The following PNPLA3 variants were observed in gnomAD, a reference collection of about 807,000 sequenced individuals.
The protein encoded by PNPLA3 is 1-acylglycerol-3-phosphate O-acyltransferase PNPLA3.
Under a neutral mutation model 43.1 loss-of-function variants are expected in PNPLA3, and 42 were observed. The ratio of observed to expected loss-of-function variants is 0.97; its 90% CI spans 0.76 to 1.26. The LOEUF (loss-of-function observed/expected upper bound fraction) is 1.26. Among genes scored for constraint, PNPLA3 ranks in the 50% most tolerant of loss-of-function variants. The pLI, the probability that PNPLA3 is intolerant of heterozygous loss-of-function variation, is 0.00. For missense variants in PNPLA3, 647 were observed against 621.4 expected (o/e 1.04, Z -0.44); for synonymous variants, 272 against 253.6 (o/e 1.07, Z -0.69).
In PNPLA3 at chr22:43,946,190, A is replaced by T. The variant is rs763844316; in HGVS notation, c.1254A>T (p.Pro418=). 6.2e-7 allele frequency: 1 copy of T among 1,614,092 alleles called. No individual in the cohort carries two copies. The highest frequency in any genetic ancestry group is 1.7e-5 in the Admixed American group (1 of 60,010). ...QMPVSSQQAS[P]CTPEQDWPCW... is the part of the protein sequence containing the mutation. ...CAGTGAGCAGCCAACAGGCCTCCCC[A>T]TGCACACCTGAGCAGGACTGGCCCT... The change falls in exon 9 of 9, where the codon CCA becomes CCT. Residue 418 remains proline (P), a synonymous_variant. Coordinates refer to ENST00000216180, the MANE Select transcript of PNPLA3 (RefSeq NM_025225.3).
At chr22:43,927,229 T>A in intron 2 of PNPLA3, 62 bp downstream of exon 2, 1 of 1,489,324 alleles carries the variant, frequency 6.7e-7, no homozygotes, top group Non-Finnish European at 9.3e-7. Flanking sequence ...ATGGGTGTGG[T>A]GGCTCATGCC....
intron 6 of PNPLA3, among the ~76,000 whole-genome samples, chr22:43,937,796 C>T (rs1391574094): frequency 1.3e-5 from 2 of 152,184 alleles, no homozygotes; most frequent in African/African-American, 4.8e-5. Context: ...TTTTGAACCT[C>T]CATCGAATGG....
intron 7 of PNPLA3, 53 bp downstream of exon 7, chr22:43,940,178 A>G (rs574351066): frequency 6.4e-7 from 1 of 1,561,950 alleles, no homozygotes; most frequent in Non-Finnish European, 8.8e-7. Flanking sequence ...TATGAGGATG[A>G]AACAAGATGA....
chr22:43,939,488 C>T, intron 6 of PNPLA3: 1 of 884,140 alleles, frequency 1.1e-6, no homozygotes, highest in African/African-American at 1.8e-5. Context: ...GGCTGTGCTC[C>T]CCGCTTCAGC....
At position 43,928,870 on chromosome 22, in the gene PNPLA3, C is replaced by T. The variant is rs907144952; in HGVS notation, c.467C>T (p.Pro156Leu). The change falls in exon 3 of 9, where the codon CCT becomes CTT. Residue 156 changes from proline to leucine, a missense_variant. Physicochemically the swap from Pro to Leu is moderately conservative, Grantham distance 98 (BLOSUM62 -3). Coordinates refer to ENST00000216180, the MANE Select transcript of PNPLA3 (RefSeq NM_025225.3). ...ATCCCCTTCTACAGTGGCCTTATCC[C>T]TCCTTCCTTCAGAGGCGTGGTAAGT... ...CFIPFYSGLI[P>L]PSFRGVRYVD... The T allele has an allele frequency of 2.5e-6, 4 of 1,612,194 alleles. No homozygotes were observed. In the African/African-American group the frequency reaches 4.0e-5, roughly 16 times the overall value.
Position 43,923,985 on chromosome 22 carries a change from C to A in PNPLA3, c.74C>A (p.Ala25Glu), listed in dbSNP as rs566092201. The part of the protein sequence containing the change: ...CGFLGFYHVG[A>E]TRCLSEHAPH... ...TTCCTGGGCTTCTACCACGTCGGGG[C>A]GACCCGCTGCCTGAGCGAGCACGCC... The change falls in exon 1 of 9, where the codon GCG (alanine) becomes GAG (glutamate). Residue 25 changes from alanine to glutamate, a missense_variant. Coordinates refer to ENST00000216180, the MANE Select transcript of PNPLA3 (RefSeq NM_025225.3). 6.9e-6 allele frequency: 11 copies of A among 1,584,858 alleles called. No homozygotes were observed. In the East Asian group the frequency reaches 1.6e-4, roughly 24 times the overall value.
At chr22:43,927,667 G>T in intron 2 of PNPLA3, among the ~76,000 whole-genome samples, 1 of 148,568 alleles carries the variant, frequency 6.7e-6, no homozygotes, top group Admixed American at 6.7e-5. Context: ...TTTTGGGTGG[G>T]GGGGCGGGGT....
Position 43,946,311 on chromosome 22 carries a change from G to T in PNPLA3, c.1375G>T (p.Gly459Cys). 1.2e-6 allele frequency: 2 copies of T among 1,614,142 alleles called. No individual in the cohort carries two copies. Among genetic ancestry groups the T allele is most frequent in the South Asian group, 1.1e-5 (1 of 91,086 alleles). The change falls in exon 9 of 9, where the codon GGC becomes TGC. Residue 459 changes from glycine (G) to cysteine (C), a missense_variant. Gly to Cys is a radical substitution (Grantham distance 159). Coordinates refer to ENST00000216180, the MANE Select transcript of PNPLA3 (RefSeq NM_025225.3). ...ILRSSLNFFL[G>C]NKVPAGAEGL... ...CAGGTCCAGCCTGAACTTCTTCTTG[G>T]GCAATAAAGTACCTGCTGGTGCTGA...
rs398037291 is a variant in PNPLA3 at position 43,942,701 on chromosome 22, C to CTTTTTTTT, written c.1113-1978_1113-1971dup. On this transcript the variant is annotated intron_variant, in intron 7 of 8. Transcript: ENST00000216180. ...TTCCTTCCCTTCCATTTTCTTTTTT[C>CTTTTTTTT]TTTTTTTTTTTTTTTTTTTGAGACA... Among the ~76,000 whole-genome samples, 54 of 113,672 alleles carry CTTTTTTTT rather than the reference C, an allele frequency of 4.8e-4. 1 individual carries two copies. Among genetic ancestry groups the CTTTTTTTT allele is most frequent in the East Asian group, 1.1e-3 (4 of 3,716 alleles). 74.6% of individuals were successfully genotyped at this position (113,672 alleles called of 152,430 possible).
intron 7 of PNPLA3, among the ~76,000 whole-genome samples, chr22:43,941,923 G>T (rs940824113): frequency 6.6e-6 from 1 of 152,202 alleles, no homozygotes; most frequent in African/African-American, 2.4e-5. Context: ...GGTGTGAGGA[G>T]GTGCGAGTGC....
At chr22:43,929,365 G>A (rs928454009) in intron 3 of PNPLA3, among the ~76,000 whole-genome samples, 1 of 151,318 alleles carries the variant, frequency 6.6e-6, no homozygotes, top group Non-Finnish European at 1.5e-5. Flanking sequence ...AATCCCAGCT[G>A]CTCGGGAGGC....
At chr22:43,925,530 G>A (rs58002102) in intron 1 of PNPLA3, among the ~76,000 whole-genome samples, 1 of 152,120 alleles carries the variant, frequency 6.6e-6, no homozygotes, top group Non-Finnish European at 1.5e-5. Flanking sequence ...TCTTTGCCCT[G>A]CCTGCCAGAG....
At chr22:43,924,131 G>A in intron 1 of PNPLA3, 33 bp downstream of exon 1, 1 of 1,497,282 alleles carries the variant, frequency 6.7e-7, no homozygotes, top group Non-Finnish European at 8.8e-7. Context: ...GGCTCCACGT[G>A]CGGAGTGGGT....
rs1268237458 is a variant in PNPLA3 at position 43,946,942 on chromosome 22, C to T, written c.*560C>T. ...GATGATAATCTACTTAATTTTAGAA[C>T]ACCTTTTTCACCTAACTAAAATAAT... On this transcript the variant is annotated 3_prime_UTR_variant, in exon 9 of 9. Transcript: ENST00000216180. The T allele has an allele frequency of 6.1e-5, 19 of 309,654 alleles. No individual in the cohort carries two copies. The highest frequency in any genetic ancestry group is 7.0e-5 in the Non-Finnish European group (11 of 158,184). 19.2% of individuals were successfully genotyped at this position (309,654 alleles called of 1,614,324 possible).
At chr22:43,937,522 A>G (rs369272146) in intron 6 of PNPLA3, among the ~76,000 whole-genome samples, 2 of 152,126 alleles carry the variant, frequency 1.3e-5, no homozygotes, top group African/African-American at 4.8e-5. Flanking sequence ...AACAAACTCC[A>G]GCTGAGCCCC....
chr22:43,924,652 C>CTT (rs537111274), intron 1 of PNPLA3, among the ~76,000 whole-genome samples: 4 of 145,244 alleles, frequency 2.8e-5, no homozygotes, highest in African/African-American at 5.0e-5. Context: ...TTCTTTTTTT[C>CTT]TTTTTTTTTT....
In PNPLA3 at chr22:43,946,754, C is replaced by T. The variant is rs1282144841; in HGVS notation, c.*372C>T. On this transcript the variant is annotated 3_prime_UTR_variant, in exon 9 of 9. Coordinates refer to ENST00000216180, the MANE Select transcript of PNPLA3 (RefSeq NM_025225.3). ...CCTTGTGATGGGGGGTAGGCTGGCC[C>T]ATGTGTGATCTTGTGGGGTGGAGGG... is the stretch of plus-strand genomic sequence containing the variant. The T allele has an allele frequency of 5.7e-6, 3 of 529,454 alleles. No homozygotes were observed. The African/African-American group carries it at 5.7e-5, about 10-fold the overall frequency. The allele number at this position is 529,454 out of a possible 1,614,324, so 32.8% of individuals were successfully genotyped here.
chr22:43,941,880 G>A (rs759726977), intron 7 of PNPLA3, among the ~76,000 whole-genome samples: 15 of 152,132 alleles, frequency 9.9e-5, no homozygotes, highest in Non-Finnish European at 1.9e-4. Context: ...GGGGCTGCAG[G>A]GAGTCCAGGG....
Position 43,940,089 on chromosome 22 carries a change from C to A in PNPLA3, c.1076C>A (p.Thr359Asn). ...RIMSYVMLPC[T>N]LPVESAIAIV... ...ATGTCTTATGTAATGCTGCCCTGTA[C>A]CCTGCCTGTGGAATCTGCCATTGCG... is the stretch of plus-strand genomic sequence containing the variant. Residue 359 changes from threonine (T) to asparagine (N), a missense_variant, in exon 7 of 9, where the codon ACC becomes AAC. By Grantham distance (65) the Thr-to-Asn change is moderately conservative. Coordinates refer to ENST00000216180, the MANE Select transcript of PNPLA3 (RefSeq NM_025225.3). 2 of 1,614,168 alleles carry A rather than the reference C, an allele frequency of 1.2e-6. No homozygotes were observed. Among genetic ancestry groups the A allele is most frequent in the Non-Finnish European group, 1.7e-6 (2 of 1,180,034 alleles).
Sources: gnomAD v4.1 joint callset for allele counts (sites outside exome capture counted in the v4.1 genomes callset) on GRCh38, gnomAD v4.1.1 for gene constraint, MANE v1.5 for transcripts, NCBI Gene and HGNC (gene_info 2026-07-23, HGNC 2026-07-21) for gene names.